Variants in TICAM1 observed in about 807,000 individuals in gnomAD.
The protein encoded by TICAM1 is TIR domain-containing adapter molecule 1.
For missense variants in TICAM1, 895 were observed against 938.2 expected (o/e 0.95, Z 0.60); for synonymous variants, 439 against 415.4 (o/e 1.06, Z -0.69).
chr19:4,817,770 AG>A lies in TICAM1; in HGVS notation c.607del (p.Leu203TrpfsTer51). On this transcript the variant is annotated frameshift_variant, in exon 2 of 2. Transcript: ENST00000248244. LOFTEE classifies it low-confidence loss of function (END_TRUNC). This position sits in a 1 kb window ranked among gnomAD's most constrained non-coding sequence, Gnocchi z 4.7. Reference sequence around the variant, plus strand: ...CTGGCTGATTTCCAAGTTGCTGGCCAGGGAGGCAGGGCTGCCAGTGGATCGC... The same window carrying A: ...CTGGCTGATTTCCAAGTTGCTGGCCAGGAGGCAGGGCTGCCAGTGGATCGC... ...SLRSTGSPAS[L>X]ASNLEISQSP... 1 of 1,602,168 alleles carries A rather than the reference AG, an allele frequency of 6.2e-7. No homozygotes were observed.
At chr19:4,829,238 A>G (rs4807653) in intron 1 of TICAM1, among the ~76,000 whole-genome samples, 22,548 of 152,230 alleles carry the variant, frequency 0.15, 1,898 homozygotes, top group East Asian at 0.3. Flanking sequence ...AGTTTTGCAG[A>G]AAACACGACA....
chr19:4,817,763 G>A lies in TICAM1; in HGVS notation c.615C>T (p.Ser205=). 6.2e-7 allele frequency: 1 copy of A among 1,602,148 alleles called. No homozygotes were observed. The highest frequency in any genetic ancestry group is 1.1e-5 in the South Asian group (1 of 90,328). The change falls in exon 2 of 2, where the codon AGC becomes AGT. Residue 205 remains serine, a synonymous_variant. Transcript: ENST00000248244. The surrounding 1 kb of genome is among the most constrained non-coding windows in gnomAD (Gnocchi z 4.7). ...TAGGGGACTGGCTGATTTCCAAGTT[G>A]CTGGCCAGGGAGGCAGGGCTGCCAG... is the stretch of plus-strand genomic sequence containing the variant. The part of the protein sequence containing the change: ...RSTGSPASLA[S]NLEISQSPTM...
At chr19:4,829,833 C>T (rs1340320342) in intron 1 of TICAM1, among the ~76,000 whole-genome samples, 3 of 103,876 alleles carry the variant, frequency 2.9e-5, no homozygotes, top group South Asian at 3.2e-4. Context: ...TTTTTTGACA[C>T]AGAGTCTTGC....
chr19:4,830,566 T>G (rs1490542240), intron 1 of TICAM1, among the ~76,000 whole-genome samples: 1 of 152,166 alleles, frequency 6.6e-6, no homozygotes, highest in East Asian at 1.9e-4. Flanking sequence ...GAGCACCTAC[T>G]AGGTCCAGGA....
rs539290982 is a variant in TICAM1 at position 4,820,439 on chromosome 19, T to G, written c.-139-1923A>C. On this transcript the variant is annotated intron_variant, in intron 1 of 1. Coordinates refer to ENST00000248244, the MANE Select transcript of TICAM1 (RefSeq NM_182919.4). ...CATCTAAAAAAAAAAAAAAAAAAGTTTGGAGCCAGGCCTGGTGGTGTGTGC... is the reference window on the plus strand; with the variant it reads ...CATCTAAAAAAAAAAAAAAAAAAGTGTGGAGCCAGGCCTGGTGGTGTGTGC... Among the ~76,000 whole-genome samples, 21 of 147,878 alleles carry G rather than the reference T, an allele frequency of 1.4e-4. No individual in the cohort carries two copies. The South Asian group carries it at 4.3e-3, about 30-fold the overall frequency.
chr19:4,820,670 C>A (rs1227922835), intron 1 of TICAM1, among the ~76,000 whole-genome samples: 1 of 151,604 alleles, frequency 6.6e-6, no homozygotes, highest in Non-Finnish European at 1.5e-5. Context: ...CAAGACCAGC[C>A]TGGCCAACAT....
intron 1 of TICAM1, among the ~76,000 whole-genome samples, chr19:4,829,281 A>T (rs2093610362): frequency 6.6e-6 from 1 of 152,196 alleles, no homozygotes; most frequent in Non-Finnish European, 1.5e-5. Flanking sequence ...TCAAGGCAGG[A>T]CCATCTCCAC....
intron 1 of TICAM1, among the ~76,000 whole-genome samples, chr19:4,823,281 A>C (rs1019670029): frequency 6.6e-6 from 1 of 152,098 alleles, no homozygotes; most frequent in Non-Finnish European, 1.5e-5. Flanking sequence ...CCTGGCTAAC[A>C]TGGCGAAACT....
chr19:4,824,823 C>G (rs1467693235), intron 1 of TICAM1, among the ~76,000 whole-genome samples: 1 of 151,976 alleles, frequency 6.6e-6, no homozygotes, highest in African/African-American at 2.4e-5. Flanking sequence ...GTCCCAGCTA[C>G]TAGGGAGGCT....
At position 4,817,358 on chromosome 19, in the gene TICAM1, A is replaced by G. The variant is rs758914983; in HGVS notation, c.1020T>C (p.Asp340=). The change falls in exon 2 of 2, where the codon GAT becomes GAC. Residue 340 remains aspartate (D), a synonymous_variant. Transcript: ENST00000248244. This position sits in a 1 kb window ranked among gnomAD's most constrained non-coding sequence, Gnocchi z 4.7. The part of the protein sequence containing the change: ...DQTPLQLSVE[D]TTSPNTKPCP... ...ACGGCTTGGTATTTGGAGAGGTGGT[A>G]TCTTCTACAGAAAGTTGGAGTGGCG... is the stretch of plus-strand genomic sequence containing the variant. The G allele has an allele frequency of 5.4e-5, 87 of 1,613,602 alleles. No individual in the cohort carries two copies. In the South Asian group the frequency reaches 9.3e-4, roughly 17 times the overall value.
chr19:4,821,301 AACTG>A (rs1246690602), intron 1 of TICAM1, among the ~76,000 whole-genome samples: 2 of 152,180 alleles, frequency 1.3e-5, no homozygotes, highest in Non-Finnish European at 1.5e-5. Context: ...TCCCTGGAGC[AACTG>A]ACTGTCTAAT....
intron 1 of TICAM1, among the ~76,000 whole-genome samples, chr19:4,826,185 A>G (rs1287451578): frequency 6.6e-6 from 1 of 151,788 alleles, no homozygotes; most frequent in African/African-American, 2.4e-5. Context: ...TAAAAAAGGT[A>G]TGGAAGATGC....
intron 1 of TICAM1, among the ~76,000 whole-genome samples, chr19:4,830,238 G>A (rs2363144): frequency 0.11 from 16,800 of 151,626 alleles, 1,224 homozygotes; most frequent in South Asian, 0.23. Flanking sequence ...CAGGTGTGCG[G>A]CACCACACCT....
chr19:4,816,891 G>C lies in TICAM1; in HGVS notation c.1487C>G (p.Pro496Arg), dbSNP rs1260358672. The change falls in exon 2 of 2, where the codon CCG (proline) becomes CGG (arginine). Residue 496 changes from proline to arginine, a missense_variant. By Grantham distance (103) the Pro-to-Arg change is moderately radical. Transcript: ENST00000248244. This position sits in a 1 kb window ranked among gnomAD's most constrained non-coding sequence, Gnocchi z 4.3. Reference sequence around the variant, plus strand: ...GGCCGTGTCGGAGCTGAGCTGGGCCGGGGAGCTCTCCAGGGGCAGGAAGGG... The same window carrying C: ...GGCCGTGTCGGAGCTGAGCTGGGCCCGGGAGCTCTCCAGGGGCAGGAAGGG... ...VIPFLPLESSPAQLSSDTASL... is the reference protein window; with the variant it reads ...VIPFLPLESSRAQLSSDTASL... The C allele has an allele frequency of 1.2e-6, 2 of 1,613,020 alleles. No homozygotes were observed. Among genetic ancestry groups the C allele is most frequent in the Non-Finnish European group, 8.5e-7 (1 of 1,180,016 alleles).
chr19:4,819,659 G>T (rs2093593912), intron 1 of TICAM1, among the ~76,000 whole-genome samples: 1 of 152,076 alleles, frequency 6.6e-6, no homozygotes, highest in African/African-American at 2.4e-5. Context: ...GCTCACCTGA[G>T]GTCAGGAGTT....
At chr19:4,821,144 C>T (rs2093596785) in intron 1 of TICAM1, among the ~76,000 whole-genome samples, 1 of 150,872 alleles carries the variant, frequency 6.6e-6, no homozygotes, top group African/African-American at 2.4e-5. Context: ...TGCAGTGAGC[C>T]GAGATCACGC....
At position 4,817,349 on chromosome 19, in the gene TICAM1, A is replaced by T; in HGVS notation, c.1029T>A (p.Ser343=). The T allele has an allele frequency of 6.2e-7, 1 of 1,613,364 alleles. No individual in the cohort carries two copies. Among genetic ancestry groups the T allele is most frequent in the Non-Finnish European group, 8.5e-7 (1 of 1,179,924 alleles). The change falls in exon 2 of 2, where the codon TCT becomes TCA. Residue 343 remains serine, a synonymous_variant. Transcript: ENST00000248244. This position sits in a 1 kb window ranked among gnomAD's most constrained non-coding sequence, Gnocchi z 4.7. ...TAGGTGGGCACGGCTTGGTATTTGG[A>T]GAGGTGGTATCTTCTACAGAAAGTT... ...PLQLSVEDTT[S]PNTKPCPPTP...
At chr19:4,827,372 C>CAAAAAAAAAAAAAAAAAAAAAAAAA (rs57574607) in intron 1 of TICAM1, among the ~76,000 whole-genome samples, 2 of 54,174 alleles carry the variant, frequency 3.7e-5, no homozygotes, top group African/African-American at 6.6e-5. Context: ...ACTCTGTCTC[C>CAAAAAAAAAAAAAAAAAAAAAAAAA]AAAAAAAAAA....
rs1419177693 is a variant in TICAM1, at chr19:4,816,107, T to C, written c.*132A>G. On this transcript the variant is annotated 3_prime_UTR_variant, in exon 2 of 2. Transcript: ENST00000248244. The surrounding 1 kb of genome is among the most constrained non-coding windows in gnomAD (Gnocchi z 4.3). ...TCCTAAATGAAGGGCTCCCGGACAATGTCCTGAAAGTGGCAGATGACCTCA... is the reference window on the plus strand; with the variant it reads ...TCCTAAATGAAGGGCTCCCGGACAACGTCCTGAAAGTGGCAGATGACCTCA... 1 of 1,298,080 alleles carries C rather than the reference T, an allele frequency of 7.7e-7. No individual in the cohort carries two copies. Among genetic ancestry groups the C allele is most frequent in the African/African-American group, 1.5e-5 (1 of 66,048 alleles). 80.4% of individuals were successfully genotyped at this position (1,298,080 alleles called of 1,614,324 possible). A position where few individuals can be genotyped will look rare whatever the true frequency, so the allele number is the denominator to read the frequency against.
Sources: gnomAD v4.1 joint callset for allele counts (sites outside exome capture counted in the v4.1 genomes callset) on GRCh38, gnomAD v4.1.1 for gene constraint, Gnocchi (gnomAD v3.1) non-coding constraint, MANE v1.5 for transcripts, NCBI Gene and HGNC (gene_info 2026-07-23, HGNC 2026-07-21) for gene names.